The following GALNT17 variants were observed in gnomAD, a reference collection of about 807,000 sequenced individuals.
The protein encoded by GALNT17 is polypeptide N-acetylgalactosaminyltransferase 17.
Under a neutral mutation model 63.7 loss-of-function variants are expected in GALNT17, and 29 were observed. The ratio of observed to expected loss-of-function variants is 0.46; its 90% CI spans 0.34 to 0.62. The LOEUF is 0.62. GALNT17 is among the 20% of genes least tolerant of loss of function. The pLI, the probability that GALNT17 is intolerant of heterozygous loss-of-function variation, is 0.01. For missense variants in GALNT17, 603 were observed against 799.6 expected, an observed-to-expected ratio of 0.75 and a Z score of 2.97; for synonymous variants, 305 against 318.3, an observed-to-expected ratio of 0.96 and a Z score of 0.45.
chr7:71,420,874 A>C, intron 4 of GALNT17, 34 bp from the exon 5 acceptor site: 23 of 1,599,640 alleles, frequency 1.4e-5, no homozygotes, highest in Non-Finnish European at 1.9e-5. Flanking sequence ...ACGGGAGAGA[A>C]GAGAGGTTTC....
At chr7:71,247,300 T>C (rs768066401) in intron 1 of GALNT17, among the ~76,000 whole-genome samples, 22 of 152,184 alleles carry the variant, frequency 1.4e-4, no homozygotes, top group Non-Finnish European at 1.0e-4. Context: ...CTAACCTCGT[T>C]ATAGCTTTGG....
chr7:71,392,057 C>T (rs1793061532), intron 3 of GALNT17, among the ~76,000 whole-genome samples: 1 of 152,124 alleles, frequency 6.6e-6, no homozygotes, highest in African/African-American at 2.4e-5. Context: ...CCAAACATTT[C>T]CCACCAGGCC....
At chr7:71,239,297 C>CCCA (rs201559541) in intron 1 of GALNT17, among the ~76,000 whole-genome samples, 19,982 of 146,794 alleles carry the variant, frequency 0.14, 1,685 homozygotes, top group African/African-American at 0.24. Context: ...CTGTCTGTAC[C>CCCA]CCCCCCCAAA....
At chr7:71,168,241 A>C (rs1182068195) in intron 1 of GALNT17, among the ~76,000 whole-genome samples, 2 of 152,110 alleles carry the variant, frequency 1.3e-5, no homozygotes, top group Non-Finnish European at 2.9e-5. Context: ...AAGTCTTGTA[A>C]TCAGGTAATG....
chr7:71,370,664 C>T lies in GALNT17; in HGVS notation c.423-17571C>T, dbSNP rs182989291. Among the ~76,000 whole-genome samples the T allele has an allele frequency of 1.3e-3, 200 of 151,992 alleles. 4 individuals carry two copies. In the East Asian group the frequency reaches 0.036, roughly 27 times the overall value. ...TGTATTTTTAGTAGAGATGGGTTTT[C>T]GCCATGTTGGCCAGGCTGGTCTTGA... is the stretch of plus-strand genomic sequence containing the variant. On this transcript the variant is annotated intron_variant, in intron 2 of 10. Coordinates refer to ENST00000333538, the MANE Select transcript of GALNT17 (RefSeq NM_022479.3).
chr7:71,415,611 G>A (rs1431425921), intron 3 of GALNT17, among the ~76,000 whole-genome samples: 1 of 152,166 alleles, frequency 6.6e-6, no homozygotes, highest in African/African-American at 2.4e-5. Flanking sequence ...CTTGAAGGAC[G>A]TCTGCCGGCT....
At chr7:71,496,813 C>T (rs1788103354) in intron 5 of GALNT17, among the ~76,000 whole-genome samples, 1 of 152,134 alleles carries the variant, frequency 6.6e-6, no homozygotes, top group Non-Finnish European at 1.5e-5. Flanking sequence ...AGCACTTACA[C>T]CTGTAATCCT....
chr7:71,648,138 G>A (rs1197994307), intron 6 of GALNT17, among the ~76,000 whole-genome samples: 3 of 152,172 alleles, frequency 2.0e-5, no homozygotes, highest in African/African-American at 4.8e-5. Context: ...CAGCTACACA[G>A]CTATTCTCTT....
chr7:71,648,734 G>C (rs1216075224), intron 6 of GALNT17, among the ~76,000 whole-genome samples: 1 of 152,098 alleles, frequency 6.6e-6, no homozygotes. Flanking sequence ...ACCAAGCCTG[G>C]CCCTCAGCTG....
intron 1 of GALNT17, among the ~76,000 whole-genome samples, chr7:71,203,543 AC>A (rs1194365577): frequency 9.2e-5 from 14 of 152,142 alleles, no homozygotes; most frequent in African/African-American, 3.4e-4. Flanking sequence ...TTGGATATTA[AC>A]CCCTTGTCAG....
At chr7:71,481,459 A>G (rs548429466) in intron 5 of GALNT17, among the ~76,000 whole-genome samples, 3 of 152,264 alleles carry the variant, frequency 2.0e-5, no homozygotes, top group Admixed American at 1.3e-4. Context: ...CAAAAAAAAG[A>G]AAAAGGCTGC....
chr7:71,433,017 G>A (rs1476929325), intron 5 of GALNT17, among the ~76,000 whole-genome samples: 1 of 152,140 alleles, frequency 6.6e-6, no homozygotes, highest in Non-Finnish European at 1.5e-5. Flanking sequence ...CACCATGTTG[G>A]CCAGGCTGGT....
chr7:71,217,742 G>C (rs937084911), intron 1 of GALNT17, among the ~76,000 whole-genome samples: 1 of 151,768 alleles, frequency 6.6e-6, no homozygotes. Flanking sequence ...TGGCTAACAC[G>C]GTGAAACCCT....
chr7:71,363,514 T>G (rs1453611074), intron 2 of GALNT17, among the ~76,000 whole-genome samples: 2 of 152,148 alleles, frequency 1.3e-5, no homozygotes. Flanking sequence ...CCCCATTCCC[T>G]TTGATTGAGA....
chr7:71,711,325 G>A (rs1214978717), intron 10 of GALNT17, among the ~76,000 whole-genome samples: 1 of 144,950 alleles, frequency 6.9e-6, no homozygotes, highest in Non-Finnish European at 1.5e-5. Context: ...ACCTGATTCA[G>A]ATACTCCAAC....
intron 3 of GALNT17, among the ~76,000 whole-genome samples, chr7:71,408,900 G>T (rs1793378470): frequency 1.3e-5 from 2 of 151,274 alleles, no homozygotes; most frequent in South Asian, 4.2e-4. Context: ...ATGTGTGTGT[G>T]TGTGTATGTA....
At chr7:71,566,590 C>T (rs913609581) in intron 5 of GALNT17, among the ~76,000 whole-genome samples, 1 of 151,948 alleles carries the variant, frequency 6.6e-6, no homozygotes, top group African/African-American at 2.4e-5. Context: ...CTCCATAACT[C>T]GGGCAGACTC....
At chr7:71,530,169 A>C (rs1788693083) in intron 5 of GALNT17, among the ~76,000 whole-genome samples, 1 of 152,170 alleles carries the variant, frequency 6.6e-6, no homozygotes, top group Non-Finnish European at 1.5e-5. Flanking sequence ...CCCAGGGGGC[A>C]AGTCCTGGGT....
chr7:71,676,871 C>T (rs1405472814), intron 8 of GALNT17, among the ~76,000 whole-genome samples: 1 of 152,094 alleles, frequency 6.6e-6, no homozygotes, highest in Non-Finnish European at 1.5e-5. Flanking sequence ...CACTTAGAAG[C>T]TTCAAAGCTG....
Sources: gnomAD v4.1 joint callset for allele counts (sites outside exome capture counted in the v4.1 genomes callset) on GRCh38, gnomAD v4.1.1 for gene constraint, MANE v1.5 for transcripts, NCBI Gene and HGNC (gene_info 2026-07-23, HGNC 2026-07-21) for gene names.